The following EXD1 variants were observed in gnomAD, a reference collection of about 807,000 sequenced individuals.
EXD1 encodes piRNA biogenesis protein EXD1.
A neutral mutation model predicts 49.1 loss-of-function variants in EXD1; 63 were observed. The ratio of observed to expected loss-of-function variants is 1.28; its 90% confidence interval spans 1.05 to 1.58. The LOEUF is 1.58. Ranked by LOEUF, EXD1 falls within the 40% of genes most tolerant of loss-of-function variation. EXD1 has a pLI of 0.00. For missense variants in EXD1, 748 were observed against 666.0 expected, an observed-to-expected ratio of 1.12 and a Z score of -1.36; for synonymous variants, 234 against 239.2, an observed-to-expected ratio of 0.98 and a Z score of 0.20.
At chr15:41,190,207 G>A (rs2046488375) in intron 10 of EXD1, 79 bp from the exon 11 acceptor site, 1 of 1,451,654 alleles carries the variant, frequency 6.9e-7, no homozygotes, top group East Asian at 2.3e-5. Flanking sequence ...GGGCACAGTG[G>A]CTCATGCCTG....
Position 41,217,078 on chromosome 15 carries a change from G to A in EXD1, c.260+19C>T, listed in dbSNP as rs2047010859. 6.2e-7 allele frequency: 1 copy of A among 1,604,236 alleles called. No individual in the cohort carries two copies. Among genetic ancestry groups the A allele is most frequent in the Non-Finnish European group, 8.5e-7 (1 of 1,173,842 alleles). ...CACATTTGGAAAATATCATAATTAA[G>A]AAAATTATTCCTTCTTACCTAACAG... On this transcript the variant is annotated intron_variant, in intron 4 of 11. Coordinates refer to ENST00000458580, the MANE Select transcript of EXD1 (RefSeq NM_001286441.2).
chr15:41,196,651 G>C lies in EXD1; in HGVS notation c.535-614C>G, dbSNP rs1355201609. Among the ~76,000 whole-genome samples, 4 of 130,536 alleles carry C rather than the reference G, an allele frequency of 3.1e-5. No individual in the cohort carries two copies. In the East Asian group the frequency reaches 7.0e-4, roughly 23 times the overall value. The allele number at this position is 130,536 out of a possible 152,430, so 85.6% of individuals were successfully genotyped here. On this transcript the variant is annotated intron_variant, in intron 7 of 11. Coordinates refer to ENST00000458580, the MANE Select transcript of EXD1 (RefSeq NM_001286441.2). ...TCACCATATTGGCCAGGCTGGTCTC[G>C]AACTCCTGACCTCAGGTGATCTACA...
chr15:41,217,010 AAGC>A (rs1208948765), intron 4 of EXD1, 84 bp downstream of exon 4: 19 of 1,353,386 alleles, frequency 1.4e-5, no homozygotes, highest in South Asian at 1.3e-4. Context: ...CCAAGGAATT[AAGC>A]AGCTGGTGAA....
intron 2 of EXD1, among the ~76,000 whole-genome samples, chr15:41,224,089 G>A (rs897540241): frequency 1.3e-5 from 2 of 151,540 alleles, no homozygotes; most frequent in Admixed American, 6.6e-5. Context: ...ACAGGTGCCC[G>A]CCACCATGCC....
chr15:41,229,199 C>T (rs572224211), intron 1 of EXD1, among the ~76,000 whole-genome samples: 63 of 152,152 alleles, frequency 4.1e-4, no homozygotes, highest in Non-Finnish European at 7.5e-4. Flanking sequence ...ACTCTAAGGC[C>T]GGGCACGGGG....
chr15:41,206,121 AG>A (rs1008114537), intron 7 of EXD1, among the ~76,000 whole-genome samples: 3 of 152,160 alleles, frequency 2.0e-5, no homozygotes, highest in Admixed American at 2.0e-4. Flanking sequence ...AAAATTGAAT[AG>A]ATTATGTGTA....
At position 41,184,524 on chromosome 15, in the gene EXD1, C is replaced by G; in HGVS notation, c.1126G>C (p.Ala376Pro). 6.2e-7 allele frequency: 1 copy of G among 1,613,444 alleles called. No homozygotes were observed. The highest frequency in any genetic ancestry group is 8.5e-7 in the Non-Finnish European group (1 of 1,179,880). ...KDFQKQRREK[A>P]AREYRVNAQG... ...GCATTCACCCTATATTCTCTTGCAG[C>G]TTTCTCCCTGCGCTGCTTCTGGAAG... The change falls in exon 12 of 12, where the codon GCT becomes CCT. Residue 376 changes from alanine to proline, a missense_variant. Ala to Pro is a conservative substitution (Grantham distance 27). Coordinates refer to ENST00000458580, the MANE Select transcript of EXD1 (RefSeq NM_001286441.2).
At chr15:41,219,629 G>A (rs2047055787) in intron 3 of EXD1, 1 of 473,586 alleles carries the variant, frequency 2.1e-6, no homozygotes, top group Non-Finnish European at 3.7e-6. Context: ...ATAAGCACCA[G>A]CACACCTGAC....
chr15:41,199,642 AATATATATCAT>A (rs1488160467), intron 7 of EXD1, among the ~76,000 whole-genome samples: 21 of 139,638 alleles, frequency 1.5e-4, no homozygotes, highest in African/African-American at 5.5e-4. Flanking sequence ...ACATATATAA[AATATATATCAT>A]ATATATGATA....
intron 4 of EXD1, 85 bp downstream of exon 4, chr15:41,217,012 G>C (rs372331827): frequency 7.4e-7 from 1 of 1,354,408 alleles, no homozygotes; most frequent in African/African-American, 1.5e-5. Context: ...AAGGAATTAA[G>C]CAGCTGGTGA....
chr15:41,223,852 G>A lies in EXD1; in HGVS notation c.133+2591C>T, dbSNP rs534197219. ...TGCACTCCAGCCTGGGTGACACAGCGAGACTCTGTTTCAAAAAAAAAGAAA... is the reference window on the plus strand; with the variant it reads ...TGCACTCCAGCCTGGGTGACACAGCAAGACTCTGTTTCAAAAAAAAAGAAA... On this transcript the variant is annotated intron_variant, in intron 2 of 11. Coordinates refer to ENST00000458580, the MANE Select transcript of EXD1 (RefSeq NM_001286441.2). Among the ~76,000 whole-genome samples the A allele has an allele frequency of 9.2e-5, 14 of 151,748 alleles. No individual in the cohort carries two copies. In the South Asian group the frequency reaches 1.0e-3, roughly 11 times the overall value.
chr15:41,205,261 T>C (rs1172626317), intron 7 of EXD1, among the ~76,000 whole-genome samples: 3 of 152,148 alleles, frequency 2.0e-5, no homozygotes, highest in African/African-American at 7.2e-5. Flanking sequence ...ACAGCCTGCA[T>C]TGGAACAGGA....
chr15:41,183,755 T>C lies in EXD1; in HGVS notation c.*176A>G. ...AATTATACTTCTTCCATTATTTAAC[T>C]TATTCATTCTCATTCTCCGCATACC... is the stretch of plus-strand genomic sequence containing the variant. On this transcript the variant is annotated 3_prime_UTR_variant, in exon 12 of 12. Coordinates refer to ENST00000458580, the MANE Select transcript of EXD1 (RefSeq NM_001286441.2). 1.8e-6 allele frequency: 1 copy of C among 545,528 alleles called. No homozygotes were observed. Among genetic ancestry groups the C allele is most frequent in the East Asian group, 3.0e-5 (1 of 33,046 alleles). The allele number at this position is 545,528 out of a possible 1,614,324, so 33.8% of individuals were successfully genotyped here.
In EXD1 at chr15:41,184,243, G is replaced by T. The variant is rs2046368942; in HGVS notation, c.1407C>A (p.Leu469=). Residue 469 remains leucine, a synonymous_variant, in exon 12 of 12, where the codon CTC becomes CTA. Coordinates refer to ENST00000458580, the MANE Select transcript of EXD1 (RefSeq NM_001286441.2). ...CTGACCCCTTTGACTTTGTGCAAAT[G>T]AGTTTGTTACTGGAATCCTCACTGG... ...GETSEDSSNK[L]ICTKSKGSED... is the part of the protein sequence containing the mutation. 5 of 1,614,056 alleles carry T rather than the reference G, an allele frequency of 3.1e-6. No homozygotes were observed. The South Asian group carries it at 5.5e-5, about 18-fold the overall frequency.
rs528367957 is a variant in EXD1, at chr15:41,189,116, C to T, written c.1056+821G>A. On this transcript the variant is annotated intron_variant, in intron 11 of 11. Transcript: ENST00000458580. ...AGCACGGTGGCTTATGCCTATAATC[C>T]CAGCACTTTGAGAGGCCAAGGCAGG... Among the ~76,000 whole-genome samples the T allele has an allele frequency of 5.3e-5, 8 of 152,060 alleles. No homozygotes were observed. In the East Asian group the frequency reaches 1.6e-3, roughly 30 times the overall value.
At chr15:41,211,794 T>TAAAAAAAAAA (rs2046924933) in intron 6 of EXD1, among the ~76,000 whole-genome samples, 1 of 108,934 alleles carries the variant, frequency 9.2e-6, no homozygotes, top group African/African-American at 6.4e-5. Flanking sequence ...ACCTCATTTC[T>TAAAAAAAAAA]TAAAAAAAAA....
At position 41,183,904 on chromosome 15, in the gene EXD1, A is replaced by G. The variant is rs779578698; in HGVS notation, c.*27T>C. The G allele has an allele frequency of 2.6e-6, 4 of 1,541,740 alleles. No homozygotes were observed. Among genetic ancestry groups the G allele is most frequent in the African/African-American group, 2.8e-5 (2 of 72,420 alleles). On this transcript the variant is annotated 3_prime_UTR_variant, in exon 12 of 12. Coordinates refer to ENST00000458580, the MANE Select transcript of EXD1 (RefSeq NM_001286441.2). ...ATGGCAAAGGAAATAAGCCATCTGT[A>G]TGGCCTTAAGAACAAACTGCCCATC...
At chr15:41,187,200 C>T (rs2046424155) in intron 11 of EXD1, among the ~76,000 whole-genome samples, 1 of 151,302 alleles carries the variant, frequency 6.6e-6, no homozygotes, top group Admixed American at 6.6e-5. Context: ...AGCAATTCTC[C>T]TGCCTCAGCC....
At chr15:41,190,334 A>T (rs1428710700) in intron 10 of EXD1, 1 of 482,006 alleles carries the variant, frequency 2.1e-6, no homozygotes, top group Non-Finnish European at 3.8e-6. Context: ...TTAGCTGGGC[A>T]TGGTGGCACG....
Sources: gnomAD v4.1 joint callset for allele counts (sites outside exome capture counted in the v4.1 genomes callset) on GRCh38, gnomAD v4.1.1 for gene constraint, MANE v1.5 for transcripts, NCBI Gene and HGNC (gene_info 2026-07-23, HGNC 2026-07-21) for gene names.